Variants in KIF5C observed in about 807,000 individuals in gnomAD.
KIF5C encodes kinesin family member 5C.
Under a neutral mutation model 125.2 loss-of-function variants are expected in KIF5C, and 18 were observed. The observed-to-expected ratio is 0.14, with a 90% confidence interval of 0.10 to 0.21. The LOEUF is 0.21. Ranked by LOEUF, KIF5C falls within the 10% of genes least tolerant of loss-of-function variation. The pLI is 1.00. For missense variants in KIF5C, 780 were observed against 1,183.8 expected (o/e 0.66, Z 5.01); for synonymous variants, 405 against 434.0 (o/e 0.93, Z 0.83).
chr2:148,928,392 A>G (rs1305417733), intron 2 of KIF5C, among the ~76,000 whole-genome samples: 2 of 152,170 alleles, frequency 1.3e-5, no homozygotes, highest in Admixed American at 6.5e-5. Flanking sequence ...TTAATGATGC[A>G]TTGTTCCTCT....
rs572713862 is a variant in KIF5C, at chr2:148,950,335, G to T, written c.841G>T (p.Asp281Tyr). ...EGTKTHVPYR[D>Y]SKMTRILQDS... ...ATAGAAAACACATGTGCCATACCGG[G>T]ACAGCAAGATGACTCGGATTCTTCA... The change falls in exon 10 of 26, where the codon GAC (aspartate) becomes TAC (tyrosine). Residue 281 changes from aspartate (D) to tyrosine (Y), a missense_variant. By Grantham distance (160) the Asp-to-Tyr change is radical (BLOSUM62 -3). This residue lies in a region of KIF5C where 207 missense variants were observed against 441.2 expected (regional missense o/e 0.47). Coordinates refer to ENST00000435030, the MANE Select transcript of KIF5C (RefSeq NM_004522.3). 6.2e-7 allele frequency: 1 copy of T among 1,613,950 alleles called. No homozygotes were observed. Among genetic ancestry groups the T allele is most frequent in the South Asian group, 1.1e-5 (1 of 91,072 alleles).
At chr2:148,988,104 G>T (rs149362967) in intron 15 of KIF5C, among the ~76,000 whole-genome samples, 1 of 152,108 alleles carries the variant, frequency 6.6e-6, no homozygotes, top group Admixed American at 6.5e-5. Flanking sequence ...ACTACTGGGG[G>T]CATTATCAGA....
At chr2:148,933,979 TACC>T (rs1682231763) in intron 3 of KIF5C, among the ~76,000 whole-genome samples, 1 of 148,680 alleles carries the variant, frequency 6.7e-6, no homozygotes, top group African/African-American at 2.5e-5. Context: ...ACACACCACA[TACC>T]ACACACCCTT....
intron 23 of KIF5C, among the ~76,000 whole-genome samples, chr2:149,009,324 A>T (rs1002519490): frequency 6.6e-6 from 1 of 152,152 alleles, no homozygotes; most frequent in Non-Finnish European, 1.5e-5. Flanking sequence ...TTGAACGAGC[A>T]TTTATTAAAA....
At chr2:148,997,546 G>T (rs765762682) in intron 18 of KIF5C, 88 of 897,034 alleles carry the variant, frequency 9.8e-5, no homozygotes, top group Non-Finnish European at 1.4e-4. Context: ...TGTCTGTAGA[G>T]AATGGTTAAG....
At chr2:148,996,978 G>A (rs1291291163) in intron 17 of KIF5C, among the ~76,000 whole-genome samples, 3 of 152,098 alleles carry the variant, frequency 2.0e-5, no homozygotes, top group Non-Finnish European at 4.4e-5. Flanking sequence ...GTGACATAAA[G>A]CCAGAGTGCA....
chr2:148,994,145 G>T (rs974578185), intron 16 of KIF5C, among the ~76,000 whole-genome samples: 1 of 152,118 alleles, frequency 6.6e-6, no homozygotes, highest in Non-Finnish European at 1.5e-5. Flanking sequence ...AAACCAGCTC[G>T]GCCTTTGGCA....
At chr2:148,970,909 A>C (rs767271924) in intron 11 of KIF5C, among the ~76,000 whole-genome samples, 12 of 152,108 alleles carry the variant, frequency 7.9e-5, no homozygotes, top group Non-Finnish European at 1.6e-4. Flanking sequence ...TTTGTATCTT[A>C]CCTCTTTACT....
chr2:148,979,338 A>C (rs568338093), intron 13 of KIF5C, among the ~76,000 whole-genome samples: 65 of 152,302 alleles, frequency 4.3e-4, no homozygotes, highest in African/African-American at 1.5e-3. Context: ...GCTGGAATGC[A>C]GTGGTGCAAT....
At chr2:148,892,266 T>C (rs1466924348) in intron 1 of KIF5C, among the ~76,000 whole-genome samples, 1 of 152,200 alleles carries the variant, frequency 6.6e-6, no homozygotes, top group African/African-American at 2.4e-5. Context: ...GCACTAGTTC[T>C]TTGAGATATT....
chr2:148,902,695 T>G (rs139780451), intron 1 of KIF5C, among the ~76,000 whole-genome samples: 12 of 152,334 alleles, frequency 7.9e-5, no homozygotes, highest in Middle Eastern at 3.4e-3. Flanking sequence ...TGCTAGTTTT[T>G]CTTATGGGAG....
intron 4 of KIF5C, among the ~76,000 whole-genome samples, chr2:148,938,161 T>C (rs1331408277): frequency 6.7e-6 from 1 of 149,852 alleles, no homozygotes; most frequent in South Asian, 2.1e-4. Context: ...AAGGCACTTG[T>C]TTAAGCAAAT....
At chr2:148,896,327 G>A (rs1681843531) in intron 1 of KIF5C, among the ~76,000 whole-genome samples, 1 of 152,194 alleles carries the variant, frequency 6.6e-6, no homozygotes, top group Non-Finnish European at 1.5e-5. Context: ...GAGTAGAGAG[G>A]CCACGTCAGC....
chr2:148,954,055 G>T (rs190953302), intron 10 of KIF5C, among the ~76,000 whole-genome samples: 1 of 55,522 alleles, frequency 1.8e-5, no homozygotes, highest in Non-Finnish European at 3.3e-5. Flanking sequence ...GACAGGCCCC[G>T]ATATGTGATC....
Position 148,962,069 on chromosome 2 carries a change from T to C in KIF5C, c.1067T>C (p.Leu356Ser). The C allele has an allele frequency of 1.9e-6, 3 of 1,613,430 alleles. No individual in the cohort carries two copies. Among genetic ancestry groups the C allele is most frequent in the Non-Finnish European group, 2.5e-6 (3 of 1,179,648 alleles). ...YEKEKEKNKT[L>S]KNVIQHLEME... ...AAAGAGAAAGAGAAAAACAAGACTT[T>C]GAAGAATGTTATCCAGCATCTGGAG... Residue 356 changes from leucine (L) to serine (S), a missense_variant, in exon 11 of 26, where the codon TTG becomes TCG. By Grantham distance (145) the Leu-to-Ser change is moderately radical (BLOSUM62 -2). Around this residue, in one of 2 missense-constraint regions of KIF5C, gnomAD observed 573 missense variants for 742.6 expected, o/e 0.77. Coordinates refer to ENST00000435030, the MANE Select transcript of KIF5C (RefSeq NM_004522.3).
At chr2:149,017,556 G>A (rs554122905) in intron 25 of KIF5C, among the ~76,000 whole-genome samples, 3 of 152,178 alleles carry the variant, frequency 2.0e-5, no homozygotes, top group Non-Finnish European at 2.9e-5. Context: ...CAAGCCAGGG[G>A]ACTTGTTCAA....
chr2:148,957,389 T>C (rs1438440363), intron 10 of KIF5C, among the ~76,000 whole-genome samples: 1 of 152,122 alleles, frequency 6.6e-6, no homozygotes, highest in Non-Finnish European at 1.5e-5. Context: ...GAATTTTGAA[T>C]GTCCAAATAG....
Position 148,922,058 on chromosome 2 carries a change from CTAA to C in KIF5C, c.127-77_127-75del, listed in dbSNP as rs1427888917. 6.5e-6 allele frequency: 6 copies of C among 925,610 alleles called. No homozygotes were observed. The East Asian group carries it at 1.3e-4, about 20-fold the overall frequency. 57.3% of individuals were successfully genotyped at this position (925,610 alleles called of 1,614,324 possible). A position where few individuals can be genotyped will look rare whatever the true frequency, so the allele number is the denominator to read the frequency against. On this transcript the variant is annotated intron_variant, in intron 1 of 25. Transcript: ENST00000435030. ...TGACTTAGTGCCTATGGCCTAGCTA[CTAA>C]TGTTTGCGATTTTTTATTCCTAAAC...
intron 8 of KIF5C, chr2:148,947,992 T>A: frequency 2.2e-6 from 1 of 456,630 alleles, no homozygotes; most frequent in Non-Finnish European, 4.4e-6. Flanking sequence ...TGTCCTCTAG[T>A]ATGCATTTGT....
Sources: allele counts gnomAD v4.1 joint callset (sites outside exome capture counted in the v4.1 genomes callset), GRCh38; gene constraint gnomAD v4.1.1; regional missense constraint gnomAD v4.1.1; transcripts MANE v1.5; gene names NCBI Gene and HGNC (gene_info 2026-07-23, HGNC 2026-07-21).